EHBP1: variants seen among roughly 807,000 people sequenced by gnomAD.
EHBP1 encodes EH domain binding protein 1.
A neutral mutation model predicts 144.0 loss-of-function variants in EHBP1; 55 were observed. The observed-to-expected ratio is 0.38, with a 90% CI of 0.31 to 0.48. The LOEUF (loss-of-function observed/expected upper bound fraction) is 0.48. Ranked by LOEUF, EHBP1 falls within the 20% of genes least tolerant of loss-of-function variation. EHBP1 has a pLI of 0.98. For missense variants in EHBP1, 1,200 were observed against 1,364.2 expected (o/e 0.88, Z 1.90); for synonymous variants, 469 against 472.7 (o/e 0.99, Z 0.10).
intron 19 of EHBP1, among the ~76,000 whole-genome samples, chr2:63,019,454 T>C (rs1375403847): frequency 4.6e-5 from 7 of 152,208 alleles, no homozygotes. Context: ...CTCACGTCTG[T>C]AATCCCAGCA....
At position 62,820,710 on chromosome 2, in the gene EHBP1, G is replaced by GGTGT. The variant is rs374529607; in HGVS notation, c.313-5356_313-5353dup. Among the ~76,000 whole-genome samples, 87 of 88,700 alleles carry GGTGT rather than the reference G, an allele frequency of 9.8e-4. 1 individual carries two copies. The South Asian group carries it at 0.011, about 12-fold the overall frequency. The allele number at this position is 88,700 out of a possible 152,430, so 58.2% of individuals were successfully genotyped here. A position where few individuals can be genotyped will look rare whatever the true frequency, so the allele number is the denominator to read the frequency against. The stretch of plus-strand genomic sequence containing the variant: ...TTTAAGGCTGAATAGTATTCCATTG[G>GGTGT]GTGTGTGTGTGTGTGTGTGTGTGTA... On this transcript the variant is annotated intron_variant, in intron 5 of 22. Transcript: ENST00000431489.
At chr2:62,760,797 G>A (rs1459197836) in intron 3 of EHBP1, among the ~76,000 whole-genome samples, 1 of 152,152 alleles carries the variant, frequency 6.6e-6, no homozygotes, top group African/African-American at 2.4e-5. Context: ...CTGGTTGCTA[G>A]TATGAGTTCA....
intron 10 of EHBP1, among the ~76,000 whole-genome samples, chr2:62,935,221 C>T (rs1192610495): frequency 3.3e-5 from 5 of 150,960 alleles, no homozygotes; most frequent in East Asian, 2.0e-4. Context: ...CCCAGCTACT[C>T]GGGAGGCTGA....
chr2:62,936,723 A>G (rs944643291), intron 10 of EHBP1, among the ~76,000 whole-genome samples: 1 of 152,190 alleles, frequency 6.6e-6, no homozygotes. Context: ...TAGCAGTAGA[A>G]TAACAAGGCC....
chr2:62,979,068 C>T, intron 14 of EHBP1, 120 bp from the exon 15 acceptor site: 1 of 897,700 alleles, frequency 1.1e-6, no homozygotes, highest in African/African-American at 1.7e-5. Flanking sequence ...TATAGAGCAT[C>T]CTATTTATAA....
At chr2:62,845,844 G>T (rs2048255619) in intron 7 of EHBP1, among the ~76,000 whole-genome samples, 1 of 152,164 alleles carries the variant, frequency 6.6e-6, no homozygotes, top group African/African-American at 2.4e-5. Context: ...TTGGAGGTCA[G>T]TTAAAAGGAT....
At chr2:62,798,737 G>T (rs1198761128) in intron 5 of EHBP1, among the ~76,000 whole-genome samples, 3 of 152,048 alleles carry the variant, frequency 2.0e-5, no homozygotes, top group South Asian at 4.2e-4. Flanking sequence ...GGGAGCGGTG[G>T]CTCAAGCCTG....
intron 7 of EHBP1, among the ~76,000 whole-genome samples, chr2:62,844,455 A>G (rs1348199261): frequency 2.0e-5 from 3 of 152,160 alleles, no homozygotes; most frequent in African/African-American, 7.2e-5. Context: ...ATGTAGCAGG[A>G]GTGATAGACC....
intron 5 of EHBP1, among the ~76,000 whole-genome samples, chr2:62,775,437 C>T (rs1048771114): frequency 3.3e-5 from 5 of 152,256 alleles, no homozygotes; most frequent in Admixed American, 3.3e-4. Flanking sequence ...GTTAGAAATT[C>T]TGTTGGTATA....
At chr2:62,971,985 A>G (rs1305620796) in intron 14 of EHBP1, among the ~76,000 whole-genome samples, 1 of 152,216 alleles carries the variant, frequency 6.6e-6, no homozygotes, top group Non-Finnish European at 1.5e-5. Flanking sequence ...ACTTCAATTT[A>G]TTTAAGTCTA....
chr2:62,721,350 A>G (rs2036206052), intron 2 of EHBP1, among the ~76,000 whole-genome samples: 1 of 152,150 alleles, frequency 6.6e-6, no homozygotes, highest in Admixed American at 6.5e-5. Flanking sequence ...TATCAACGTG[A>G]CTTATCACTG....
intron 5 of EHBP1, among the ~76,000 whole-genome samples, chr2:62,784,349 T>G (rs1187945977): frequency 6.6e-6 from 1 of 152,308 alleles, no homozygotes; most frequent in Non-Finnish European, 1.5e-5. Context: ...GAATGATTGT[T>G]TTTTGGATTT....
At chr2:63,005,173 C>T (rs1014962485) in intron 19 of EHBP1, among the ~76,000 whole-genome samples, 13 of 152,020 alleles carry the variant, frequency 8.6e-5, no homozygotes, top group Admixed American at 1.3e-4. Context: ...GTATTTTTCT[C>T]GTAGAAGGCC....
At chr2:62,750,391 G>C (rs1292762634) in intron 3 of EHBP1, among the ~76,000 whole-genome samples, 1 of 152,162 alleles carries the variant, frequency 6.6e-6, no homozygotes, top group African/African-American at 2.4e-5. Flanking sequence ...CTGTAGCCTT[G>C]TAGTATAGTT....
intron 10 of EHBP1, among the ~76,000 whole-genome samples, chr2:62,928,673 A>G (rs567828151): frequency 6.6e-6 from 1 of 152,156 alleles, no homozygotes; most frequent in Non-Finnish European, 1.5e-5. Context: ...AGGAACTGGA[A>G]GAACAAACTA....
intron 2 of EHBP1, among the ~76,000 whole-genome samples, chr2:62,722,019 A>G (rs1417381422): frequency 6.6e-6 from 1 of 152,082 alleles, no homozygotes; most frequent in African/African-American, 2.4e-5. Context: ...TGCTTTATCA[A>G]TCTCTCTTAA....
At chr2:63,018,240 A>G (rs150704253) in intron 19 of EHBP1, among the ~76,000 whole-genome samples, 252 of 152,324 alleles carry the variant, frequency 1.7e-3, no homozygotes, top group African/African-American at 5.9e-3. Flanking sequence ...TCTACTTTCA[A>G]TTTTAAAAAC....
At chr2:62,875,430 C>T (rs2050812648) in intron 10 of EHBP1, among the ~76,000 whole-genome samples, 1 of 152,220 alleles carries the variant, frequency 6.6e-6, no homozygotes, top group Admixed American at 6.5e-5. Flanking sequence ...CATCTGAACA[C>T]AACTTATACC....
intron 6 of EHBP1, chr2:62,826,670 C>T (rs1335398697): frequency 6.5e-6 from 1 of 153,260 alleles, no homozygotes; most frequent in Non-Finnish European, 1.5e-5. Flanking sequence ...ATTAAGGGAA[C>T]TCTTGCCAAA....
Sources: allele counts gnomAD v4.1 joint callset (sites outside exome capture counted in the v4.1 genomes callset), GRCh38; gene constraint gnomAD v4.1.1; transcripts MANE v1.5; gene names NCBI Gene and HGNC (gene_info 2026-07-23, HGNC 2026-07-21).